The following SAMMSON variants were observed in gnomAD, a reference collection of about 807,000 sequenced individuals.
SAMMSON encodes long intergenic non-protein coding RNA 1212.
intron 9 of SAMMSON, among the ~76,000 whole-genome samples, chr3:70,375,214 C>A (rs901950887): frequency 6.6e-6 from 1 of 152,088 alleles, no homozygotes; most frequent in Non-Finnish European, 1.5e-5. Flanking sequence ...CTCTTTATTT[C>A]TCTGTGTCTC....
chr3:70,135,054 T>C (rs1170684702), intron 4 of SAMMSON, among the ~76,000 whole-genome samples: 1 of 152,196 alleles, frequency 6.6e-6, no homozygotes, highest in Non-Finnish European at 1.5e-5. Context: ...AAATCATTGA[T>C]CTTGGCCAGC....
intron 7 of SAMMSON, among the ~76,000 whole-genome samples, chr3:70,337,386 G>T (rs1008446108): frequency 1.3e-5 from 2 of 151,474 alleles, no homozygotes; most frequent in African/African-American, 4.8e-5. Context: ...GGCTGGCAAA[G>T]TTGGAATATA....
At chr3:70,176,638 A>G (rs931567915) in intron 4 of SAMMSON, among the ~76,000 whole-genome samples, 2 of 152,122 alleles carry the variant, frequency 1.3e-5, no homozygotes, top group Non-Finnish European at 2.9e-5. Flanking sequence ...CTCTTTTTCT[A>G]CCAGAAAACA....
chr3:70,022,474 G>A (rs1422300748), intron 3 of SAMMSON, among the ~76,000 whole-genome samples: 1 of 149,608 alleles, frequency 6.7e-6, no homozygotes, highest in Non-Finnish European at 1.5e-5. Context: ...GATACTGCCA[G>A]TAGGGAAGAC....
intron 4 of SAMMSON, among the ~76,000 whole-genome samples, chr3:70,213,356 T>C (rs1701369224): frequency 6.6e-6 from 1 of 152,156 alleles, no homozygotes; most frequent in Non-Finnish European, 1.5e-5. Flanking sequence ...ATGAAAATTA[T>C]TAGATAAGAC....
At chr3:70,126,332 TA>T (rs1254574030) in intron 4 of SAMMSON, 3 of 1,187,436 alleles carry the variant, frequency 2.5e-6, no homozygotes, top group Non-Finnish European at 2.4e-6. Flanking sequence ...ATTCAAAGAC[TA>T]AAGTATGACC....
chr3:70,227,899 A>C (rs1331857552), intron 4 of SAMMSON, among the ~76,000 whole-genome samples: 4 of 152,282 alleles, frequency 2.6e-5, no homozygotes, highest in Non-Finnish European at 5.9e-5. Flanking sequence ...AAAGAGCATG[A>C]GCTTTTAACT....
intron 4 of SAMMSON, among the ~76,000 whole-genome samples, chr3:70,153,407 A>G (rs1319085520): frequency 2.0e-5 from 3 of 151,934 alleles, no homozygotes; most frequent in Admixed American, 6.6e-5. Flanking sequence ...GTCACAGAGC[A>G]TTCTCTATAG....
intron 7 of SAMMSON, among the ~76,000 whole-genome samples, chr3:70,325,918 C>T (rs565344410): frequency 8.2e-4 from 125 of 152,242 alleles, no homozygotes; most frequent in Middle Eastern, 6.8e-3. Flanking sequence ...CACCTTTTCT[C>T]GGATGAACTG....
chr3:70,401,004 A>C (rs1298342104), intron 2 of SAMMSON, among the ~76,000 whole-genome samples: 1 of 152,154 alleles, frequency 6.6e-6, no homozygotes, highest in African/African-American at 2.4e-5. Context: ...TCTCAAAAGG[A>C]ATTTATAATC....
At chr3:70,081,842 T>G (rs2067269168) in intron 4 of SAMMSON, among the ~76,000 whole-genome samples, 1 of 152,246 alleles carries the variant, frequency 6.6e-6, no homozygotes, top group Non-Finnish European at 1.5e-5. Flanking sequence ...AATGCAGGAA[T>G]GTGACACCTA....
At chr3:70,309,903 A>ATTCTT (rs1417967659) in intron 7 of SAMMSON, among the ~76,000 whole-genome samples, 6 of 152,210 alleles carry the variant, frequency 3.9e-5, no homozygotes, top group Non-Finnish European at 7.3e-5. Flanking sequence ...AATGGACACG[A>ATTCTT]TTCTTTTTTT....
rs1462107087 is a variant in SAMMSON, at chr3:70,423,158, G to C, written n.234-39402G>C. On this transcript the variant is annotated intron_variant and non_coding_transcript_variant, in intron 2 of 3. Transcript: ENST00000641053. ...GGGAGAAGCACAGACTGAGAAAGAT[G>C]AGACAAATAGTAAGAAAGAGCCAGA... Among the ~76,000 whole-genome samples the C allele has an allele frequency of 5.3e-5, 8 of 152,118 alleles. No homozygotes were observed. In the East Asian group the frequency reaches 9.6e-4, roughly 18 times the overall value.
chr3:70,403,308 A>C (rs1325591481), intron 2 of SAMMSON, among the ~76,000 whole-genome samples: 1 of 152,168 alleles, frequency 6.6e-6, no homozygotes, highest in East Asian at 1.9e-4. Context: ...CAAAACAAAC[A>C]CCCAAAGCCA....
intron 7 of SAMMSON, among the ~76,000 whole-genome samples, chr3:70,353,665 A>G (rs950379535): frequency 1.3e-5 from 2 of 152,188 alleles, no homozygotes; most frequent in Non-Finnish European, 2.9e-5. Flanking sequence ...ACAGTTTGGT[A>G]GTTTCCTTAA....
At chr3:70,403,250 C>G (rs975892413) in intron 2 of SAMMSON, among the ~76,000 whole-genome samples, 1 of 152,126 alleles carries the variant, frequency 6.6e-6, no homozygotes, top group Admixed American at 6.5e-5. Flanking sequence ...CAGTTTACAG[C>G]AGGGAAGCCA....
intron 7 of SAMMSON, among the ~76,000 whole-genome samples, chr3:70,291,636 T>C (rs936826420): frequency 3.3e-5 from 5 of 152,176 alleles, no homozygotes; most frequent in African/African-American, 1.2e-4. Context: ...GGCTGTCACT[T>C]TCCCCTGTGG....
chr3:70,323,647 G>T (rs931141785), intron 7 of SAMMSON, among the ~76,000 whole-genome samples: 3 of 152,080 alleles, frequency 2.0e-5, no homozygotes, highest in African/African-American at 7.2e-5. Context: ...ATATTTTTGT[G>T]GGAGATTTGA....
intron 7 of SAMMSON, among the ~76,000 whole-genome samples, chr3:70,324,200 A>G (rs867679113): frequency 9.0e-5 from 1 of 11,164 alleles, no homozygotes; most frequent in Non-Finnish European, 3.0e-4. Context: ...TCTATCTATC[A>G]TCTATCTATC....
Sources: allele counts gnomAD v4.1 joint callset (sites outside exome capture counted in the v4.1 genomes callset), GRCh38; gene constraint gnomAD v4.1.1; transcripts MANE v1.5; gene names NCBI Gene and HGNC (gene_info 2026-07-23, HGNC 2026-07-21).